Variants in LRRTM4 observed in about 807,000 individuals in gnomAD.
LRRTM4 encodes leucine rich repeat transmembrane neuronal 4.
A neutral mutation model predicts 47.6 loss-of-function variants in LRRTM4; 25 were observed. That is an observed-to-expected ratio of 0.53 (90% CI 0.38 to 0.73). The LOEUF (loss-of-function observed/expected upper bound fraction) is 0.73. Among genes scored for constraint, LRRTM4 ranks in the 30% least tolerant of loss-of-function variants. LRRTM4 has a pLI of 0.00. For missense variants in LRRTM4, 638 were observed against 713.4 expected (o/e 0.89, Z 1.20); for synonymous variants, 311 against 269.5 (o/e 1.15, Z -1.51).
chr2:76,944,052 G>A (rs1267821050), intron 3 of LRRTM4, among the ~76,000 whole-genome samples: 1 of 151,922 alleles, frequency 6.6e-6, no homozygotes, highest in Non-Finnish European at 1.5e-5. Context: ...ACATATGATC[G>A]CCCTACTCTC....
At chr2:76,844,296 G>A (rs1419846899) in intron 3 of LRRTM4, among the ~76,000 whole-genome samples, 6 of 151,708 alleles carry the variant, frequency 4.0e-5, no homozygotes, top group Middle Eastern at 3.4e-3. Context: ...CACCACGCCC[G>A]GCTAATTTTT....
intron 3 of LRRTM4, among the ~76,000 whole-genome samples, chr2:77,206,435 T>C (rs1288342505): frequency 6.6e-6 from 1 of 152,004 alleles, no homozygotes; most frequent in Non-Finnish European, 1.5e-5. Context: ...TCCACCCACC[T>C]CGGCCTCCTA....
At chr2:76,905,077 C>T (rs1673778150) in intron 3 of LRRTM4, among the ~76,000 whole-genome samples, 1 of 152,110 alleles carries the variant, frequency 6.6e-6, no homozygotes, top group African/African-American at 2.4e-5. Flanking sequence ...GACCACTGAG[C>T]AGCCTAACTA....
chr2:77,426,552 GC>G (rs1183902038), intron 3 of LRRTM4, among the ~76,000 whole-genome samples: 1 of 152,050 alleles, frequency 6.6e-6, no homozygotes, highest in Non-Finnish European at 1.5e-5. Flanking sequence ...ATTTTCACAT[GC>G]CCTGGGAGGC....
chr2:77,343,445 T>C (rs775821932), intron 3 of LRRTM4, among the ~76,000 whole-genome samples: 1 of 152,028 alleles, frequency 6.6e-6, no homozygotes, highest in Non-Finnish European at 1.5e-5. Context: ...TCTTGAAGAC[T>C]AGTTGCTCTG....
chr2:77,049,516 A>AT lies in LRRTM4; in HGVS notation c.1552-300601dup, dbSNP rs576582358. 8.1e-4 allele frequency among the ~76,000 whole-genome samples: 123 copies of AT among 151,566 alleles called. 1 individual carries two copies. Among genetic ancestry groups the AT allele is most frequent in the Non-Finnish European group, 1.5e-3 (105 of 67,852 alleles). Reference sequence around the variant, plus strand: ...TAGAGTGAGATGGTATCTCATTCTGATTTTGATTGGTATTTCTCTGATGAT... The same window carrying AT: ...TAGAGTGAGATGGTATCTCATTCTGATTTTTGATTGGTATTTCTCTGATGAT... On this transcript the variant is annotated intron_variant, in intron 3 of 3. Transcript: ENST00000409884.
intron 3 of LRRTM4, among the ~76,000 whole-genome samples, chr2:77,324,998 G>A (rs1446973442): frequency 2.0e-5 from 3 of 152,146 alleles, no homozygotes; most frequent in Non-Finnish European, 4.4e-5. Flanking sequence ...TTAGTTGATG[G>A]ACTAGATGTT....
At chr2:77,134,213 A>G (rs993372662) in intron 3 of LRRTM4, among the ~76,000 whole-genome samples, 4 of 152,126 alleles carry the variant, frequency 2.6e-5, no homozygotes, top group African/African-American at 9.7e-5. Flanking sequence ...TGTTCTAAAG[A>G]AAGGTGCTAG....
intron 3 of LRRTM4, among the ~76,000 whole-genome samples, chr2:77,448,305 T>C (rs1438383101): frequency 2.0e-5 from 3 of 152,164 alleles, no homozygotes; most frequent in African/African-American, 7.2e-5. Context: ...GCAAGGCCAG[T>C]GCATACCTGG....
intron 3 of LRRTM4, among the ~76,000 whole-genome samples, chr2:77,432,167 A>G (rs1184247965): frequency 2.0e-5 from 3 of 152,230 alleles, no homozygotes; most frequent in African/African-American, 2.4e-5. Context: ...TTAAAGCCTG[A>G]GAATAATCTT....
At chr2:77,115,332 A>G (rs1010066061) in intron 3 of LRRTM4, among the ~76,000 whole-genome samples, 4 of 152,076 alleles carry the variant, frequency 2.6e-5, no homozygotes, top group Admixed American at 6.6e-5. Context: ...CTGGTTTCAT[A>G]TTGTTCAAAC....
At chr2:77,037,426 C>T (rs964452512) in intron 3 of LRRTM4, among the ~76,000 whole-genome samples, 10 of 151,736 alleles carry the variant, frequency 6.6e-5, no homozygotes, top group African/African-American at 2.4e-4. Flanking sequence ...GTAACCATTG[C>T]TTAATCCTGC....
At chr2:76,900,641 A>C (rs1200249505) in intron 3 of LRRTM4, among the ~76,000 whole-genome samples, 1 of 152,218 alleles carries the variant, frequency 6.6e-6, no homozygotes, top group Non-Finnish European at 1.5e-5. Flanking sequence ...TTAAAGATTT[A>C]TGTGAAAGTA....
At chr2:77,345,556 ATCT>A (rs971970986) in intron 3 of LRRTM4, among the ~76,000 whole-genome samples, 15 of 152,014 alleles carry the variant, frequency 9.9e-5, no homozygotes, top group South Asian at 2.1e-4. Flanking sequence ...AAGATGTCTA[ATCT>A]TCTTTGTCAT....
chr2:77,456,058 T>G (rs1025522547), intron 3 of LRRTM4, among the ~76,000 whole-genome samples: 2 of 152,142 alleles, frequency 1.3e-5, no homozygotes, highest in African/African-American at 4.8e-5. Flanking sequence ...CCATGTCCCC[T>G]ACCTTGAGCT....
intron 3 of LRRTM4, among the ~76,000 whole-genome samples, chr2:76,922,401 A>T (rs1267550675): frequency 6.6e-6 from 1 of 152,056 alleles, no homozygotes; most frequent in Non-Finnish European, 1.5e-5. Flanking sequence ...GAAGTGCCAC[A>T]TACTTTCAAA....
At chr2:76,818,895 A>G (rs985495899) in intron 3 of LRRTM4, among the ~76,000 whole-genome samples, 13 of 151,804 alleles carry the variant, frequency 8.6e-5, no homozygotes, top group African/African-American at 3.1e-4. Context: ...ATACTAGTAA[A>G]ACCAGTTTGA....
Position 77,306,608 on chromosome 2 carries a change from A to T in LRRTM4, c.1551+211710T>A, listed in dbSNP as rs556064031. ...TCCTAAAGCGGTTAACCTGAGACCA[A>T]TTAGTGATAAAGTCATTGCAATTTT... On this transcript the variant is annotated intron_variant, in intron 3 of 3. Coordinates refer to ENST00000409884, the MANE Select transcript of LRRTM4 (RefSeq NM_001134745.3). 2.0e-5 allele frequency among the ~76,000 whole-genome samples: 3 copies of T among 152,232 alleles called. No individual in the cohort carries two copies. In the South Asian group the frequency reaches 6.2e-4, roughly 32 times the overall value.
intron 3 of LRRTM4, among the ~76,000 whole-genome samples, chr2:77,066,338 T>C (rs1467368799): frequency 1.3e-5 from 2 of 152,196 alleles, no homozygotes; most frequent in African/African-American, 2.4e-5. Context: ...AAAAGGGACT[T>C]AGGACAACAG....
Sources: allele counts gnomAD v4.1 joint callset (sites outside exome capture counted in the v4.1 genomes callset), GRCh38; gene constraint gnomAD v4.1.1; transcripts MANE v1.5; gene names NCBI Gene and HGNC (gene_info 2026-07-23, HGNC 2026-07-21).